The following PLCE1 variants were observed in gnomAD, a reference collection of about 807,000 sequenced individuals.
PLCE1 encodes the protein phospholipase C epsilon 1.
PLCE1 carries 119 observed loss-of-function variants against 242.8 expected under a neutral mutation model. That is an observed-to-expected ratio of 0.49 (90% CI 0.42 to 0.57). PLCE1 has a LOEUF of 0.57. Among genes scored for constraint, PLCE1 ranks in the 20% least tolerant of loss-of-function variants. The pLI is 0.00. For synonymous variants in PLCE1, 945 were observed against 1,017.4 expected (o/e 0.93, Z 1.35); for missense variants, 2,441 against 2,788.8 (o/e 0.88, Z 2.81).
At chr10:94,068,876 A>C (rs779368668) in intron 2 of PLCE1, among the ~76,000 whole-genome samples, 11 of 152,196 alleles carry the variant, frequency 7.2e-5, no homozygotes, top group Non-Finnish European at 1.6e-4. Flanking sequence ...AATTTGTTAC[A>C]TGCCTATCTT....
intron 2 of PLCE1, among the ~76,000 whole-genome samples, chr10:94,046,431 C>T (rs2134710304): frequency 6.6e-6 from 1 of 152,356 alleles, no homozygotes; most frequent in African/African-American, 2.4e-5. Context: ...CCAGGAACCC[C>T]AGGCTCATAA....
At chr10:94,310,787 C>T (rs1298422768) in intron 27 of PLCE1, among the ~76,000 whole-genome samples, 1 of 152,146 alleles carries the variant, frequency 6.6e-6, no homozygotes, top group African/African-American at 2.4e-5. Context: ...CTGGCAACAG[C>T]TGGGTGTCCT....
rs543726543 is a variant in PLCE1, at chr10:94,272,639, A to G, written c.4507-923A>G. 1.3e-4 allele frequency among the ~76,000 whole-genome samples: 20 copies of G among 152,310 alleles called. No homozygotes were observed. The East Asian group carries it at 3.1e-3, about 24-fold the overall frequency. On this transcript the variant is annotated intron_variant, in intron 18 of 32. Transcript: ENST00000371380. The stretch of plus-strand genomic sequence containing the variant: ...TTTGGGAACGATAAACGTCCGTGAA[A>G]TCTTCACAATTTATGTTCCTCTGCC...
chr10:94,021,237 T>TC (rs1010695278), intron 1 of PLCE1, among the ~76,000 whole-genome samples: 1 of 151,710 alleles, frequency 6.6e-6, no homozygotes, highest in African/African-American at 2.4e-5. Flanking sequence ...AATGGTTTTT[T>TC]TTTTTTTTTT....
At chr10:94,155,117 A>G (rs1213723281) in intron 3 of PLCE1, among the ~76,000 whole-genome samples, 2 of 151,974 alleles carry the variant, frequency 1.3e-5, no homozygotes, top group South Asian at 2.1e-4. Context: ...ATATGATCCA[A>G]CAATCCACTG....
chr10:94,193,177 G>A (rs17093867), intron 4 of PLCE1, among the ~76,000 whole-genome samples: 36,229 of 152,082 alleles, frequency 0.24, 4,701 homozygotes, highest in African/African-American at 0.34. Context: ...GAACTGGAAG[G>A]TTCTGTGAGG....
intron 29 of PLCE1, among the ~76,000 whole-genome samples, chr10:94,318,893 C>T (rs1465560882): frequency 1.3e-5 from 2 of 152,086 alleles, no homozygotes; most frequent in African/African-American, 4.8e-5. Flanking sequence ...ACTAAAAATA[C>T]AAAAATTAGC....
At chr10:94,142,179 A>T (rs2136022772) in intron 3 of PLCE1, among the ~76,000 whole-genome samples, 1 of 152,258 alleles carries the variant, frequency 6.6e-6, no homozygotes, top group African/African-American at 2.4e-5. Flanking sequence ...ATGGGAATAA[A>T]AGCAACAACT....
chr10:94,238,073 A>C (rs894185299), intron 7 of PLCE1, among the ~76,000 whole-genome samples: 1 of 152,208 alleles, frequency 6.6e-6, no homozygotes, highest in Admixed American at 6.5e-5. Context: ...TACTCCTGCC[A>C]GAAAACCACT....
intron 13 of PLCE1, among the ~76,000 whole-genome samples, 179 bp downstream of exon 13, chr10:94,259,329 G>C (rs1170570451): frequency 6.6e-6 from 1 of 151,648 alleles, no homozygotes; most frequent in African/African-American, 2.4e-5. Flanking sequence ...TGTAGCCCAG[G>C]CTGGAGTGCA....
intron 1 of PLCE1, among the ~76,000 whole-genome samples, chr10:94,003,606 T>C (rs57208365): frequency 0.99 from 150,995 of 152,314 alleles, 74,846 homozygotes; most frequent in African/African-American, 1. Flanking sequence ...ATTAAAATTA[T>C]TTGCTGCTCC....
chr10:94,255,948 T>TCC (rs2051072679), intron 11 of PLCE1, among the ~76,000 whole-genome samples: 2 of 119,660 alleles, frequency 1.7e-5, no homozygotes, highest in African/African-American at 6.1e-5. Flanking sequence ...TCTCTCTCTC[T>TCC]CTCTCTCTCC....
chr10:94,164,564 C>A (rs1193222329), intron 3 of PLCE1, among the ~76,000 whole-genome samples: 1 of 152,152 alleles, frequency 6.6e-6, no homozygotes, highest in Non-Finnish European at 1.5e-5. Flanking sequence ...TTTTTAACTT[C>A]TTTGCCCTGG....
chr10:94,051,810 T>A (rs1046304185), intron 2 of PLCE1, among the ~76,000 whole-genome samples: 15 of 152,364 alleles, frequency 9.8e-5, no homozygotes, highest in African/African-American at 3.4e-4. Context: ...ACTCACTACT[T>A]GGCTGCCTTC....
At chr10:94,223,297 C>T (rs546155154) in intron 4 of PLCE1, among the ~76,000 whole-genome samples, 1 of 145,674 alleles carries the variant, frequency 6.9e-6, no homozygotes, top group South Asian at 2.2e-4. Flanking sequence ...AAGGAACAAC[C>T]AGTTCAAGAT....
In PLCE1 at chr10:94,255,064, T is replaced by C. The variant is rs768448376; in HGVS notation, c.3554+15T>C. 6.2e-7 allele frequency: 1 copy of C among 1,613,604 alleles called. No homozygotes were observed. The highest frequency in any genetic ancestry group is 8.5e-7 in the Non-Finnish European group (1 of 1,179,620). On this transcript the variant is annotated intron_variant, in intron 11 of 32. Transcript: ENST00000371380. ...AGCCCATCCAGGTGGGGCCTTAACA[T>C]GATAAAACAGAAGGACCCTTCACAT...
intron 2 of PLCE1, chr10:94,088,961 G>A: frequency 1.1e-6 from 1 of 913,864 alleles, no homozygotes; most frequent in Non-Finnish European, 1.6e-6. Context: ...CCTGACTCTG[G>A]ATCGCAGCCC....
intron 2 of PLCE1, chr10:94,096,912 C>T (rs1160572689): frequency 1.3e-5 from 2 of 152,196 alleles, no homozygotes; most frequent in African/African-American, 4.8e-5. Flanking sequence ...AGTCTGACTT[C>T]CTCATGAGGC....
At chr10:94,046,209 G>C (rs2061879883) in intron 2 of PLCE1, among the ~76,000 whole-genome samples, 1 of 152,172 alleles carries the variant, frequency 6.6e-6, no homozygotes, top group Non-Finnish European at 1.5e-5. Flanking sequence ...TCCTTCACTT[G>C]GCAGGTAGTT....
Sources: gnomAD v4.1 joint callset for allele counts (sites outside exome capture counted in the v4.1 genomes callset) on GRCh38, gnomAD v4.1.1 for gene constraint, MANE v1.5 for transcripts, NCBI Gene and HGNC (gene_info 2026-07-23, HGNC 2026-07-21) for gene names.